Variants in ADGRL1 observed in about 807,000 individuals in gnomAD.
The protein encoded by ADGRL1 is adhesion G protein-coupled receptor L1.
Under a neutral mutation model 148.9 loss-of-function variants are expected in ADGRL1, and 31 were observed. The ratio of observed to expected loss-of-function variants is 0.21; its 90% CI spans 0.16 to 0.28. The LOEUF (loss-of-function observed/expected upper bound fraction) is 0.28. Among genes scored for constraint, ADGRL1 ranks in the 10% least tolerant of loss-of-function variants. The probability of loss-of-function intolerance (pLI) is 1.00; values close to 1 mark genes in which losing one functional copy is unlikely to be tolerated. For synonymous variants in ADGRL1, 937 were observed against 900.3 expected (o/e 1.04, Z -0.73); for missense variants, 1,521 against 2,058.8 (o/e 0.74, Z 5.05).
At chr19:14,176,914 T>C (rs1231453070) in intron 3 of ADGRL1, among the ~76,000 whole-genome samples, 2 of 152,046 alleles carry the variant, frequency 1.3e-5, no homozygotes, top group Non-Finnish European at 2.9e-5. Context: ...GTTCTTTATA[T>C]TTTACAAGCT....
chr19:14,204,709 AGAGT>A (rs750194932), intron 1 of ADGRL1, among the ~76,000 whole-genome samples: 6 of 72,564 alleles, frequency 8.3e-5, no homozygotes, highest in Non-Finnish European at 1.6e-4. Context: ...AAAGACAGAG[AGAGT>A]GAGAGAGAGA....
chr19:14,193,018 G>C (rs1246882213), intron 1 of ADGRL1, among the ~76,000 whole-genome samples: 5 of 152,116 alleles, frequency 3.3e-5, no homozygotes, highest in African/African-American at 1.2e-4. Context: ...CTGGAGATGG[G>C]GCGTCTGCCC....
intron 1 of ADGRL1, among the ~76,000 whole-genome samples, chr19:14,200,785 A>G (rs554650438): frequency 6.6e-6 from 1 of 150,918 alleles, no homozygotes; most frequent in Non-Finnish European, 1.5e-5. Flanking sequence ...CTAATTTTTA[A>G]ATTTTGTATT....
intron 2 of ADGRL1, among the ~76,000 whole-genome samples, chr19:14,180,997 G>A (rs1048863871): frequency 5.3e-5 from 8 of 151,708 alleles, no homozygotes; most frequent in African/African-American, 1.9e-4. Context: ...GCAGTGAGCC[G>A]AGATCACACC....
intron 1 of ADGRL1, among the ~76,000 whole-genome samples, chr19:14,204,156 T>C (rs1436887907): frequency 1.3e-5 from 2 of 152,158 alleles, no homozygotes; most frequent in Non-Finnish European, 2.9e-5. Context: ...GACAAATTGC[T>C]AGTTAGGAAA....
At chr19:14,187,125 G>T (rs1252138636) in intron 1 of ADGRL1, among the ~76,000 whole-genome samples, 2 of 152,174 alleles carry the variant, frequency 1.3e-5, no homozygotes, top group Admixed American at 1.3e-4. Context: ...ATCACCAGAG[G>T]TGGGAGTTCG....
chr19:14,187,917 G>A (rs567780184), intron 1 of ADGRL1, among the ~76,000 whole-genome samples: 45 of 152,120 alleles, frequency 3.0e-4, no homozygotes, highest in Admixed American at 8.5e-4. Flanking sequence ...CATCCGAGCA[G>A]AGGAACTGGT....
At chr19:14,153,011 G>A (rs1402405568) in intron 18 of ADGRL1, 99 bp from the exon 19 acceptor site, 22 of 1,420,398 alleles carry the variant, frequency 1.5e-5, no homozygotes, top group Admixed American at 5.7e-5. Flanking sequence ...TTGGGAGGCC[G>A]GAGACCGAGC....
intron 1 of ADGRL1, among the ~76,000 whole-genome samples, chr19:14,186,562 C>T (rs1971584547): frequency 6.6e-6 from 1 of 152,154 alleles, no homozygotes; most frequent in Non-Finnish European, 1.5e-5. Flanking sequence ...CTAAGCACAG[C>T]ACCCAGGCCC....
chr19:14,163,844 C>T (rs940290255), intron 4 of ADGRL1, among the ~76,000 whole-genome samples: 1 of 152,082 alleles, frequency 6.6e-6, no homozygotes, highest in African/African-American at 2.4e-5. Context: ...CTGACTTTGA[C>T]GGTCCAGGGA....
Position 14,160,755 on chromosome 19 carries a change from GGACA to G in ADGRL1, c.1511-63_1511-60del. 1.0e-6 allele frequency: 1 copy of G among 957,676 alleles called. No homozygotes were observed. The allele number at this position is 957,676 out of a possible 1,614,324, so 59.3% of individuals were successfully genotyped here. ...AGCCAAAGGGAAGAAGAGAAGGATG[GGACA>G]GAGAGGGGGAAAGGAGATGACAGAG... On this transcript the variant is annotated intron_variant, in intron 6 of 22. Coordinates refer to ENST00000361434, the MANE Select transcript of ADGRL1 (RefSeq NM_014921.5). The surrounding 1 kb of genome is among the most constrained non-coding windows in gnomAD (Gnocchi z 5.9).
chr19:14,160,001 G>A lies in ADGRL1; in HGVS notation c.1800+111C>T, dbSNP rs1046073255. 5.7e-6 allele frequency: 7 copies of A among 1,218,596 alleles called. No individual in the cohort carries two copies. The highest frequency in any genetic ancestry group is 7.9e-6 in the Non-Finnish European group (7 of 883,140). 75.5% of individuals were successfully genotyped at this position (1,218,596 alleles called of 1,614,324 possible). The stretch of plus-strand genomic sequence containing the variant: ...GAGGGGGGGGTCCTTCCTCTCTGAG[G>A]AAAGGAGTGGAGGTGGCAGCCTGGC... On this transcript the variant is annotated intron_variant, in intron 8 of 22. Coordinates refer to ENST00000361434, the MANE Select transcript of ADGRL1 (RefSeq NM_014921.5). The surrounding 1 kb of genome is among the most constrained non-coding windows in gnomAD (Gnocchi z 5.9).
Position 14,183,645 on chromosome 19 carries a change from C to T in ADGRL1, c.-43G>A, listed in dbSNP as rs1221961545. Reference sequence around the variant, plus strand: ...TGTCCGGAGCTCTCAGTGGCCTGTGCGGGGGGCTTTGCCCCACATCACCTG... The same window carrying T: ...TGTCCGGAGCTCTCAGTGGCCTGTGTGGGGGGCTTTGCCCCACATCACCTG... On this transcript the variant is annotated 5_prime_UTR_variant, in exon 2 of 23. Transcript: ENST00000361434. 7.9e-6 allele frequency: 12 copies of T among 1,517,742 alleles called. No homozygotes were observed. The highest frequency in any genetic ancestry group is 4.0e-5 in the Admixed American group (2 of 49,824). 94.0% of individuals were successfully genotyped at this position (1,517,742 alleles called of 1,614,324 possible).
chr19:14,156,229 G>T (rs1234364787), intron 16 of ADGRL1, 28 bp from the exon 17 acceptor site: 9 of 1,548,490 alleles, frequency 5.8e-6, no homozygotes, highest in Non-Finnish European at 7.1e-6. Flanking sequence ...GGCAGGCTGG[G>T]CTGAGAGTGG....
chr19:14,201,805 C>T (rs1310768035), intron 1 of ADGRL1, among the ~76,000 whole-genome samples: 2 of 152,082 alleles, frequency 1.3e-5, no homozygotes, highest in African/African-American at 2.4e-5. Flanking sequence ...AACATCCTCG[C>T]GCGCTTGGAT....
chr19:14,200,297 CCGGGAACAGACTGTGCAGGA>C (rs1407587509), intron 1 of ADGRL1, among the ~76,000 whole-genome samples: 2 of 152,148 alleles, frequency 1.3e-5, no homozygotes, highest in East Asian at 3.9e-4. Flanking sequence ...CAGGGAGGTG[CCGGGAACAGACTGTGCAGGA>C]CTCGCCTTGT....
rs778882306 is a variant in ADGRL1, at chr19:14,158,001, A to C, written c.2416T>G (p.Ser806Ala). Residue 806 changes from serine to alanine, a missense_variant, in exon 13 of 23, where the codon TCC (serine) becomes GCC (alanine). Around this residue, in one of 8 missense-constraint regions of ADGRL1, gnomAD observed 265 missense variants for 431.9 expected, o/e 0.61. Coordinates refer to ENST00000361434, the MANE Select transcript of ADGRL1 (RefSeq NM_014921.5). ...TGGGTCGACCAGTAGCCCAGCATGG[A>C]ACGCTCCGAGTAGTTCCAGAAGGAG... is the stretch of plus-strand genomic sequence containing the variant. ...NCSFWNYSER[S>A]MLGYWSTQGC... The C allele has an allele frequency of 6.2e-7, 1 of 1,614,190 alleles. No individual in the cohort carries two copies. Among genetic ancestry groups the C allele is most frequent in the South Asian group, 1.1e-5 (1 of 91,080 alleles).
At position 14,183,734 on chromosome 19, in the gene ADGRL1, C is replaced by T. The variant is rs41276904; in HGVS notation, c.-95-37G>A. 7.3e-3 allele frequency: 5,588 copies of T among 760,286 alleles called. 28 individuals carry two copies. Among genetic ancestry groups the T allele is most frequent in the Non-Finnish European group, 9.3e-3 (4,441 of 476,294 alleles). 47.1% of individuals were successfully genotyped at this position (760,286 alleles called of 1,614,324 possible). A position where few individuals can be genotyped will look rare whatever the true frequency, so the allele number is the denominator to read the frequency against. ...CAGGGAGACTGAGGTGGGGATAGGG[C>T]CTCCAGGCCGCTCCCCTCTCCTCCT... On this transcript the variant is annotated intron_variant, in intron 1 of 22. Coordinates refer to ENST00000361434, the MANE Select transcript of ADGRL1 (RefSeq NM_014921.5).
intron 1 of ADGRL1, among the ~76,000 whole-genome samples, chr19:14,200,401 G>A (rs1972521633): frequency 1.3e-5 from 2 of 152,202 alleles, no homozygotes; most frequent in African/African-American, 4.8e-5. Context: ...GCCACTAGGG[G>A]GCGTTCTGGG....
Sources: gnomAD v4.1 joint callset for allele counts (sites outside exome capture counted in the v4.1 genomes callset) on GRCh38, gnomAD v4.1.1 for gene constraint, gnomAD v4.1.1 regional missense constraint, Gnocchi (gnomAD v3.1) non-coding constraint, MANE v1.5 for transcripts, NCBI Gene and HGNC (gene_info 2026-07-23, HGNC 2026-07-21) for gene names.